COL5A1: variants seen among roughly 807,000 people sequenced by gnomAD.
The protein encoded by COL5A1 is collagen alpha-1(V) chain.
COL5A1 carries 16 observed loss-of-function variants against 263.7 expected under a neutral mutation model. That is an observed-to-expected ratio of 0.06 (90% CI 0.04 to 0.09). COL5A1 has a LOEUF of 0.09. Among genes scored for constraint, COL5A1 ranks in the 10% least tolerant of loss-of-function variants. The pLI, the probability that COL5A1 is intolerant of heterozygous loss-of-function variation, is 1.00. For missense variants in COL5A1, 2,036 were observed against 2,540.5 expected (o/e 0.80, Z 4.27); for synonymous variants, 1,012 against 1,004.5 (o/e 1.01, Z -0.14).
At chr9:134,730,837 G>A (rs1226681592) in intron 7 of COL5A1, among the ~76,000 whole-genome samples, 1 of 152,204 alleles carries the variant, frequency 6.6e-6, no homozygotes, top group African/African-American at 2.4e-5. Flanking sequence ...TGGCCTGGGT[G>A]TGGCCAGGCA....
At position 134,750,857 on chromosome 9, in the gene COL5A1, C is replaced by T. The variant is rs557361751; in HGVS notation, c.1637C>T (p.Ala546Val). The change falls in exon 13 of 66, where the codon GCG becomes GTG. Residue 546 changes from alanine (A) to valine (V), a missense_variant. Physicochemically the swap from Ala to Val is moderately conservative, Grantham distance 64 (BLOSUM62 0). Transcript: ENST00000371817. ...ATGGTCTCAGCCCAGGAGTCCCAGG[C>T]GCAAGCCATTCTCCAGCAGGCCAGG... ...GPMVSAQESQ[A>V]QAILQQARLA... The T allele has an allele frequency of 1.1e-4, 176 of 1,612,838 alleles. No homozygotes were observed. Among genetic ancestry groups the T allele is most frequent in the Admixed American group, 6.3e-4 (38 of 60,016 alleles).
chr9:134,694,304 G>A (rs1054017352), intron 2 of COL5A1, among the ~76,000 whole-genome samples: 7 of 152,232 alleles, frequency 4.6e-5, no homozygotes, highest in Middle Eastern at 6.3e-3. Flanking sequence ...GCCCGTCCCC[G>A]CCCAGGCCGC....
intron 9 of COL5A1, among the ~76,000 whole-genome samples, chr9:134,736,736 T>C (rs957080212): frequency 4.6e-5 from 7 of 152,208 alleles, no homozygotes; most frequent in African/African-American, 4.8e-5. Flanking sequence ...ATTATCTATC[T>C]TGAAGCAAAT....
At chr9:134,760,689 A>G (rs1453407648) in intron 18 of COL5A1, among the ~76,000 whole-genome samples, 5 of 125,198 alleles carry the variant, frequency 4.0e-5, no homozygotes, top group African/African-American at 1.3e-4. Flanking sequence ...CCCCACACTC[A>G]TACATGCACA....
intron 15 of COL5A1, 61 bp downstream of exon 15, chr9:134,753,964 C>T (rs1261468687): frequency 2.3e-5 from 34 of 1,453,608 alleles, no homozygotes; most frequent in Admixed American, 6.7e-5. Context: ...GCGGCAGCGA[C>T]GGCGAGCATG....
chr9:134,721,381 T>C (rs1834450081), intron 4 of COL5A1, among the ~76,000 whole-genome samples: 1 of 151,904 alleles, frequency 6.6e-6, no homozygotes, highest in Non-Finnish European at 1.5e-5. Context: ...ATGACCCCGT[T>C]AGGGCTGTTC....
rs1193526584 is a variant in COL5A1, at chr9:134,821,797, A to T, written c.4555-300A>T. ...GTTTCTGTATTTCCAAATGAACGTG[A>T]AAAGAGGTGCTCAGCCTGAAGTCCT... On this transcript the variant is annotated intron_variant, in intron 58 of 65. Transcript: ENST00000371817. The surrounding 1 kb of genome is among the most constrained non-coding windows in gnomAD (Gnocchi z 4.2). 6.6e-6 allele frequency among the ~76,000 whole-genome samples: 1 copy of T among 152,232 alleles called. No homozygotes were observed. The highest frequency in any genetic ancestry group is 1.5e-5 in the Non-Finnish European group (1 of 68,034).
chr9:134,734,061 C>G (rs1021587688), intron 9 of COL5A1, among the ~76,000 whole-genome samples: 1 of 152,104 alleles, frequency 6.6e-6, no homozygotes, highest in African/African-American at 2.4e-5. Flanking sequence ...GGCTCATGTT[C>G]CCGAGTAAGC....
intron 42 of COL5A1, among the ~76,000 whole-genome samples, chr9:134,806,948 AG>A (rs1838317246): frequency 6.6e-6 from 1 of 152,062 alleles, no homozygotes; most frequent in Non-Finnish European, 1.5e-5. Context: ...GGGAGTGGGG[AG>A]GAGCATGTCT....
rs150288690 is a variant in COL5A1 at position 134,707,474 on chromosome 9, C to T, written c.654+6141C>T. ...GTTCTTTCTGGAATTTCACTCTCCC[C>T]GGGGCAGGAGTGGGGCCTGTGCTGA... On this transcript the variant is annotated intron_variant, in intron 4 of 65. Transcript: ENST00000371817. 9.6e-3 allele frequency among the ~76,000 whole-genome samples: 1,456 copies of T among 152,256 alleles called. 15 individuals are homozygous for T. The highest frequency in any genetic ancestry group is 0.02 in the Middle Eastern group (6 of 294).
In COL5A1 at chr9:134,814,065, G is replaced by C. The variant is rs1177657640; in HGVS notation, c.3906+29G>C. The C allele has an allele frequency of 5.8e-6, 9 of 1,549,088 alleles. No individual in the cohort carries two copies. In the African/African-American group the frequency reaches 1.1e-4, roughly 19 times the overall value. On this transcript the variant is annotated intron_variant, in intron 49 of 65. Coordinates refer to ENST00000371817, the MANE Select transcript of COL5A1 (RefSeq NM_000093.5). Reference sequence around the variant, plus strand: ...AGTGAGCGGGCGCTGCGGGAGGGGTGGGATATGGCCGAGCGGGTGTGTGGA... The same window carrying C: ...AGTGAGCGGGCGCTGCGGGAGGGGTCGGATATGGCCGAGCGGGTGTGTGGA...
At chr9:134,784,262 C>T (rs546843945) in intron 29 of COL5A1, among the ~76,000 whole-genome samples, 1 of 152,380 alleles carries the variant, frequency 6.6e-6, no homozygotes, top group East Asian at 1.9e-4. Context: ...GAGCAATACA[C>T]ATTTCTGTTG....
At chr9:134,739,254 C>T (rs1452599024) in intron 11 of COL5A1, among the ~76,000 whole-genome samples, 2 of 152,240 alleles carry the variant, frequency 1.3e-5, no homozygotes, top group African/African-American at 2.4e-5. Context: ...GGGTGTCCCT[C>T]GCCGCGGGAG....
At chr9:134,711,310 C>A (rs1004796448) in intron 4 of COL5A1, among the ~76,000 whole-genome samples, 8 of 152,090 alleles carry the variant, frequency 5.3e-5, no homozygotes, top group African/African-American at 1.9e-4. Flanking sequence ...ACTTGCAGGG[C>A]CTGGGTGCTG....
chr9:134,822,790 G>T (rs908089257), intron 59 of COL5A1: 3 of 665,278 alleles, frequency 4.5e-6, no homozygotes, highest in African/African-American at 1.8e-5. Flanking sequence ...GGGGCAGGTA[G>T]GACCACCCTG....
intron 34 of COL5A1, 73 bp downstream of exon 34, chr9:134,795,388 G>A: frequency 7.7e-7 from 1 of 1,291,322 alleles, no homozygotes; most frequent in Non-Finnish European, 1.1e-6. Flanking sequence ...TGGAGCGTCT[G>A]AGGGTGTCTG....
chr9:134,816,698 C>A (rs533754717), intron 52 of COL5A1, among the ~76,000 whole-genome samples: 1 of 152,206 alleles, frequency 6.6e-6, no homozygotes, highest in Non-Finnish European at 1.5e-5. Context: ...TCTTGTCCCC[C>A]CTTCTGTGAA....
intron 18 of COL5A1, among the ~76,000 whole-genome samples, chr9:134,759,920 T>TACAC (rs1214251992): frequency 0.011 from 587 of 52,682 alleles, 18 homozygotes; most frequent in African/African-American, 0.046. Context: ...CCCACACTCA[T>TACAC]ACATGCACAC....
intron 4 of COL5A1, among the ~76,000 whole-genome samples, chr9:134,719,707 C>G (rs1312686846): frequency 1.3e-5 from 2 of 152,222 alleles, no homozygotes; most frequent in Non-Finnish European, 2.9e-5. Flanking sequence ...CTCTGCCTTT[C>G]CAGGGCAAGG....
Sources: gnomAD v4.1 joint callset for allele counts (sites outside exome capture counted in the v4.1 genomes callset) on GRCh38, gnomAD v4.1.1 for gene constraint, Gnocchi (gnomAD v3.1) non-coding constraint, MANE v1.5 for transcripts, NCBI Gene and HGNC (gene_info 2026-07-23, HGNC 2026-07-21) for gene names.